FMNL3: variants seen among roughly 807,000 people sequenced by gnomAD.
FMNL3 encodes formin like 3.
FMNL3 carries 57 observed loss-of-function variants against 119.6 expected under a neutral mutation model. The ratio of observed to expected loss-of-function variants is 0.48; its 90% CI spans 0.39 to 0.59. The LOEUF (loss-of-function observed/expected upper bound fraction) is 0.59. Ranked by LOEUF, FMNL3 falls within the 20% of genes least tolerant of loss-of-function variation. FMNL3 has a pLI of 0.00. For synonymous variants in FMNL3, 491 were observed against 507.3 expected (o/e 0.97, Z 0.43); for missense variants, 1,053 against 1,323.5 (o/e 0.80, Z 3.17).
Position 49,647,444 on chromosome 12 carries a change from G to C in FMNL3, c.2779-76C>G. ...GGGGAGGGGCTGACACTGAGGTGGA[G>C]AGTGGGTGGCAGTGGGACCCGCTAA... On this transcript the variant is annotated intron_variant, in intron 23 of 25. Transcript: ENST00000335154. The surrounding 1 kb of genome is among the most constrained non-coding windows in gnomAD (Gnocchi z 4.9). 1.3e-6 allele frequency: 2 copies of C among 1,505,254 alleles called. No homozygotes were observed. Among genetic ancestry groups the C allele is most frequent in the South Asian group, 2.2e-5 (2 of 89,182 alleles). The allele number at this position is 1,505,254 out of a possible 1,614,324, so 93.2% of individuals were successfully genotyped here.
rs934300168 is a variant in FMNL3, at chr12:49,640,546, G to C, written c.*5269C>G. 6.6e-6 allele frequency: 1 copy of C among 152,210 alleles called. No homozygotes were observed. The highest frequency in any genetic ancestry group is 6.5e-5 in the Admixed American group (1 of 15,280). The allele number at this position is 152,210 out of a possible 1,614,324, so 9.4% of individuals were successfully genotyped here. On this transcript the variant is annotated 3_prime_UTR_variant, in exon 26 of 26. Coordinates refer to ENST00000335154, the MANE Select transcript of FMNL3 (RefSeq NM_175736.5). ...CACAAGCAACCTTTGGGAGAGTAGA[G>C]TCATGGAGGTGGCATGGGGGCAGCA...
rs145387088 is a variant in FMNL3 at position 49,643,364 on chromosome 12, C to T, written c.*2451G>A. 3.0e-4 allele frequency: 480 copies of T among 1,580,322 alleles called. No individual in the cohort carries two copies. Among genetic ancestry groups the T allele is most frequent in the Non-Finnish European group, 3.8e-4 (445 of 1,164,554 alleles). ...AAGTGGGGGTGCTGCCCTTGGAGGA[C>T]GGGGCTCCCCTTCCTCCCATCTTCT... is the stretch of plus-strand genomic sequence containing the variant. On this transcript the variant is annotated 3_prime_UTR_variant, in exon 26 of 26. Transcript: ENST00000335154.
In FMNL3 at chr12:49,644,541, C is replaced by T. The variant is rs1943077011; in HGVS notation, c.*1274G>A. 2.0e-5 allele frequency: 6 copies of T among 305,178 alleles called. No homozygotes were observed. Among genetic ancestry groups the T allele is most frequent in the South Asian group, 3.9e-5 (1 of 25,868 alleles). 18.9% of individuals were successfully genotyped at this position (305,178 alleles called of 1,614,324 possible). ...GGGTGGCAGAGGGCAGGGTCATCAC[C>T]CTCTAGCATCAGTGCCTGCTCCTGC... On this transcript the variant is annotated 3_prime_UTR_variant, in exon 26 of 26. Transcript: ENST00000335154.
intron 1 of FMNL3, among the ~76,000 whole-genome samples, chr12:49,685,931 G>T (rs1456536407): frequency 2.6e-5 from 4 of 152,090 alleles, no homozygotes; most frequent in Admixed American, 2.6e-4. Flanking sequence ...GCCAGGCTTG[G>T]TGGCGGGCGC....
chr12:49,704,418 T>C (rs1944987227), intron 1 of FMNL3, among the ~76,000 whole-genome samples: 1 of 152,114 alleles, frequency 6.6e-6, no homozygotes, highest in African/African-American at 2.4e-5. Context: ...TCAACAAAAA[T>C]AAGCTAATCT....
At chr12:49,657,030 T>G in intron 7 of FMNL3, 52 bp downstream of exon 7, 1 of 1,580,948 alleles carries the variant, frequency 6.3e-7, no homozygotes, top group Non-Finnish European at 8.7e-7. Flanking sequence ...CTCCTGGTTT[T>G]GCAGATGAGG....
chr12:49,653,703 C>T, intron 12 of FMNL3, 22 bp downstream of exon 12: 1 of 1,612,752 alleles, frequency 6.2e-7, no homozygotes. Flanking sequence ...GTGGCTCTGG[C>T]AGGCAAAGGA....
At position 49,661,989 on chromosome 12, in the gene FMNL3, C is replaced by T. The variant is rs114881116; in HGVS notation, c.429G>A (p.Leu143=). 6.1e-4 allele frequency: 983 copies of T among 1,614,184 alleles called. 3 individuals carry two copies. The African/African-American group carries it at 0.011, about 18-fold the overall frequency. ...NKGLDVLVDY[L]SFAQCSVMFD... ...ACATGACAGAACACTGGGCAAAGGA[C>T]AGGTAATCCACCAGTACATCCAGGC... The change falls in exon 5 of 26, where the codon CTG becomes CTA. Residue 143 remains leucine, a synonymous_variant. Transcript: ENST00000335154.
intron 1 of FMNL3, among the ~76,000 whole-genome samples, chr12:49,705,345 T>G (rs1049248715): frequency 6.6e-6 from 1 of 152,190 alleles, no homozygotes; most frequent in Admixed American, 6.5e-5. Context: ...ACGTGCATTT[T>G]GTGAATATTA....
At position 49,647,365 on chromosome 12, in the gene FMNL3, CT is replaced by C. The variant is rs1943237223; in HGVS notation, c.2781del (p.Ala928GlnfsTer14). The C allele has an allele frequency of 6.2e-7, 1 of 1,611,994 alleles. No homozygotes were observed. Among genetic ancestry groups the C allele is most frequent in the African/African-American group, 1.3e-5 (1 of 75,030 alleles). The stretch of plus-strand genomic sequence containing the variant: ...TTGCGGGCTTCATTCTCTTGTTCTG[CT>C]TCCTAAGAGCCATGGAAGATGGGGG... ...VFVRFIRSYK[E>X]AEQENEARKK... On this transcript the variant is annotated frameshift_variant and splice_region_variant, in exon 24 of 26. Transcript: ENST00000335154. LOFTEE classifies it high-confidence loss of function. The surrounding 1 kb of genome is among the most constrained non-coding windows in gnomAD (Gnocchi z 4.9).
chr12:49,689,277 A>G (rs1209899702), intron 1 of FMNL3, among the ~76,000 whole-genome samples: 2 of 152,214 alleles, frequency 1.3e-5, no homozygotes, highest in African/African-American at 4.8e-5. Flanking sequence ...CTTAAATCAA[A>G]TTATTCTGAT....
intron 2 of FMNL3, 86 bp downstream of exon 2, chr12:49,668,385 G>T (rs1943948707): frequency 7.7e-7 from 1 of 1,292,904 alleles, no homozygotes; most frequent in Non-Finnish European, 1.1e-6. Flanking sequence ...AGGAACCCAA[G>T]GCTGCACTCA....
chr12:49,637,665 T>C lies in FMNL3; in HGVS notation c.*8150A>G, dbSNP rs1221703532. On this transcript the variant is annotated 3_prime_UTR_variant, in exon 26 of 26. Coordinates refer to ENST00000335154, the MANE Select transcript of FMNL3 (RefSeq NM_175736.5). Reference sequence around the variant, plus strand: ...CTGCACCCCCTACTACCGGCTCCTGTCCTCGGCCCAGCCCCCAGGCCTTGG... The same window carrying C: ...CTGCACCCCCTACTACCGGCTCCTGCCCTCGGCCCAGCCCCCAGGCCTTGG... 6.4e-7 allele frequency: 1 copy of C among 1,551,572 alleles called. No individual in the cohort carries two copies. Among genetic ancestry groups the C allele is most frequent in the East Asian group, 2.3e-5 (1 of 44,284 alleles).
In FMNL3 at chr12:49,649,966, C is replaced by T. The variant is rs766442950; in HGVS notation, c.2001-41G>A. The T allele has an allele frequency of 6.5e-7, 1 of 1,533,542 alleles. No individual in the cohort carries two copies. The highest frequency in any genetic ancestry group is 1.2e-5 in the South Asian group (1 of 86,814). 95.0% of individuals were successfully genotyped at this position (1,533,542 alleles called of 1,614,324 possible). On this transcript the variant is annotated intron_variant, in intron 17 of 25. Coordinates refer to ENST00000335154, the MANE Select transcript of FMNL3 (RefSeq NM_175736.5). The surrounding 1 kb of genome is among the most constrained non-coding windows in gnomAD (Gnocchi z 5.6). ...GGACCACCTCAGTTCTCACATCTCT[C>T]CACGTTTTCCCTCATCCCTTTTATT...
At chr12:49,703,420 T>C (rs1299027353) in intron 1 of FMNL3, among the ~76,000 whole-genome samples, 1 of 152,070 alleles carries the variant, frequency 6.6e-6, no homozygotes, top group Non-Finnish European at 1.5e-5. Context: ...CCCAAACTTC[T>C]CAATACCCAA....
chr12:49,700,415 T>C (rs1410381976), intron 1 of FMNL3, among the ~76,000 whole-genome samples: 1 of 118,170 alleles, frequency 8.5e-6, no homozygotes, highest in Non-Finnish European at 1.7e-5. Flanking sequence ...AAAAAAGAGA[T>C]TTTAAAAGGG....
At chr12:49,650,236 C>T (rs973907401) in intron 17 of FMNL3, among the ~76,000 whole-genome samples, 2 of 152,178 alleles carry the variant, frequency 1.3e-5, no homozygotes, top group African/African-American at 4.8e-5. Context: ...TGCTCCTCTC[C>T]CTACACTAAA....
chr12:49,707,031 G>T, intron 1 of FMNL3, 24 bp downstream of exon 1: 2 of 1,562,180 alleles, frequency 1.3e-6, no homozygotes, highest in South Asian at 1.2e-5. Flanking sequence ...GTACGCGGGG[G>T]AAGGGGCTGG....
At chr12:49,703,938 C>T (rs1026782142) in intron 1 of FMNL3, among the ~76,000 whole-genome samples, 7 of 152,306 alleles carry the variant, frequency 4.6e-5, no homozygotes, top group Admixed American at 3.3e-4. Context: ...ACTGGATATA[C>T]ACAACAGGGT....
Sources: gnomAD v4.1 joint callset for allele counts (sites outside exome capture counted in the v4.1 genomes callset) on GRCh38, gnomAD v4.1.1 for gene constraint, Gnocchi (gnomAD v3.1) non-coding constraint, MANE v1.5 for transcripts, NCBI Gene and HGNC (gene_info 2026-07-23, HGNC 2026-07-21) for gene names.